The following MAP7 variants were observed in gnomAD, a reference collection of about 807,000 sequenced individuals.
MAP7 encodes the protein ensconsin.
MAP7 carries 52 observed loss-of-function variants against 94.8 expected under a neutral mutation model. That is an observed-to-expected ratio of 0.55 (90% CI 0.44 to 0.69). The LOEUF is 0.69. Ranked by LOEUF, MAP7 falls within the 30% of genes least tolerant of loss-of-function variation. The pLI, the probability that MAP7 is intolerant of heterozygous loss-of-function variation, is 0.00. For missense variants in MAP7, 940 were observed against 964.6 expected (o/e 0.97, Z 0.34); for synonymous variants, 350 against 357.0 (o/e 0.98, Z 0.22).
At chr6:136,460,644 C>T (rs2128911378) in intron 1 of MAP7, among the ~76,000 whole-genome samples, 1 of 152,186 alleles carries the variant, frequency 6.6e-6, no homozygotes, top group Non-Finnish European at 1.5e-5. Flanking sequence ...CCTCATCCTT[C>T]AATACAAGCA....
intron 1 of MAP7, among the ~76,000 whole-genome samples, chr6:136,465,578 A>ATG (rs1463232769): frequency 1.3e-5 from 2 of 152,218 alleles, no homozygotes; most frequent in South Asian, 2.1e-4. Context: ...CTCTTCTTTA[A>ATG]TGTATATACA....
chr6:136,547,769 G>A (rs1004365299), intron 1 of MAP7, among the ~76,000 whole-genome samples: 4 of 151,994 alleles, frequency 2.6e-5, no homozygotes, highest in East Asian at 1.9e-4. Flanking sequence ...GCTTAAGAAC[G>A]GTCTCATTTC....
At chr6:136,534,276 G>T (rs1317041397) in intron 1 of MAP7, among the ~76,000 whole-genome samples, 2 of 152,192 alleles carry the variant, frequency 1.3e-5, no homozygotes, top group Non-Finnish European at 2.9e-5. Context: ...AGGCTGGCAG[G>T]CTCGAAACTC....
chr6:136,426,713 C>T (rs1356024164), intron 1 of MAP7, among the ~76,000 whole-genome samples: 1 of 152,180 alleles, frequency 6.6e-6, no homozygotes, highest in Non-Finnish European at 1.5e-5. Context: ...CTGGTCAGAA[C>T]AGCAGGTTTA....
chr6:136,379,298 G>C (rs1562332180), intron 6 of MAP7, among the ~76,000 whole-genome samples: 1 of 152,114 alleles, frequency 6.6e-6, no homozygotes, highest in Admixed American at 6.5e-5. Context: ...TAATTTAAAA[G>C]AGTAAATATT....
At chr6:136,397,643 C>A (rs1452408212) in intron 3 of MAP7, among the ~76,000 whole-genome samples, 2 of 151,996 alleles carry the variant, frequency 1.3e-5, no homozygotes, top group South Asian at 4.2e-4. Context: ...AGAGGAAATA[C>A]CATGTGAGGA....
intron 1 of MAP7, among the ~76,000 whole-genome samples, chr6:136,453,965 T>C (rs919194204): frequency 2.0e-5 from 3 of 152,224 alleles, no homozygotes. Context: ...GTGGGCTTTT[T>C]TTCCTTTTTT....
intron 1 of MAP7, among the ~76,000 whole-genome samples, chr6:136,462,106 G>A (rs1805422073): frequency 6.6e-6 from 1 of 151,442 alleles, no homozygotes; most frequent in Admixed American, 6.6e-5. Flanking sequence ...TGAGGTGGGA[G>A]GATTGCTTAC....
Position 136,362,553 on chromosome 6 carries a change from C to T in MAP7, c.1423G>A (p.Asp475Asn), listed in dbSNP as rs760661282. 40 of 1,613,984 alleles carry T rather than the reference C, an allele frequency of 2.5e-5. No homozygotes were observed. Among genetic ancestry groups the T allele is most frequent in the Non-Finnish European group, 3.3e-5 (39 of 1,180,040 alleles). ...ASVKTSAGTT[D>N]PEEATRLLAE... ...AGAAGCCTTGTGGCCTCCTCTGGGT[C>T]GGTGGTGCCTGCAGAAGTCTTAACA... The change falls in exon 11 of 18, where the codon GAC becomes AAC. Residue 475 changes from aspartate (D) to asparagine (N), a missense_variant. Physicochemically the swap from Asp to Asn is conservative, Grantham distance 23 (BLOSUM62 1). Coordinates refer to ENST00000354570, the MANE Select transcript of MAP7 (RefSeq NM_003980.6).
intron 1 of MAP7, among the ~76,000 whole-genome samples, chr6:136,451,549 T>C (rs1166211586): frequency 2.0e-5 from 3 of 152,228 alleles, no homozygotes; most frequent in African/African-American, 7.2e-5. Flanking sequence ...CAACATCCCA[T>C]CCTGCAGACC....
At chr6:136,385,793 CAG>C (rs1779037933) in intron 5 of MAP7, among the ~76,000 whole-genome samples, 1 of 152,276 alleles carries the variant, frequency 6.6e-6, no homozygotes, top group East Asian at 1.9e-4. Context: ...ATTTTTGAGA[CAG>C]AGTCTCATTC....
intron 7 of MAP7, 117 bp from the exon 8 acceptor site, chr6:136,372,742 G>C: frequency 7.7e-7 from 1 of 1,297,544 alleles, no homozygotes; most frequent in Non-Finnish European, 1.1e-6. Flanking sequence ...GCAAAGCAGA[G>C]ATAGAGAGAA....
chr6:136,494,322 G>A (rs1238785940), intron 1 of MAP7, among the ~76,000 whole-genome samples: 2 of 152,184 alleles, frequency 1.3e-5, no homozygotes, highest in Non-Finnish European at 2.9e-5. Flanking sequence ...GGTGGCAGTT[G>A]TAACATTGAG....
intron 1 of MAP7, among the ~76,000 whole-genome samples, chr6:136,477,406 C>T (rs908237842): frequency 2.2e-4 from 33 of 152,216 alleles, no homozygotes; most frequent in African/African-American, 7.7e-4. Flanking sequence ...TAGCACAATA[C>T]ATAATCTTGA....
At chr6:136,456,115 C>T (rs907521215) in intron 1 of MAP7, among the ~76,000 whole-genome samples, 6 of 152,176 alleles carry the variant, frequency 3.9e-5, no homozygotes, top group African/African-American at 9.7e-5. Flanking sequence ...TTAGGTTACT[C>T]ATAGCTGTGT....
At chr6:136,368,805 T>C (rs1794938661) in intron 8 of MAP7, among the ~76,000 whole-genome samples, 2 of 152,230 alleles carry the variant, frequency 1.3e-5, no homozygotes, top group Admixed American at 6.5e-5. Flanking sequence ...GAAGATTTAA[T>C]ACTGTTAGGA....
intron 3 of MAP7, among the ~76,000 whole-genome samples, chr6:136,394,325 G>A (rs1353228841): frequency 3.3e-5 from 5 of 152,110 alleles, no homozygotes; most frequent in Non-Finnish European, 7.3e-5. Context: ...GCAGGTGACT[G>A]ATTTTTATTG....
chr6:136,413,626 T>A (rs1582839244), intron 2 of MAP7, among the ~76,000 whole-genome samples: 2 of 152,318 alleles, frequency 1.3e-5, no homozygotes, highest in East Asian at 3.9e-4. Flanking sequence ...TTTTATTTTT[T>A]ACTTTTGAGA....
chr6:136,518,148 C>T (rs1012945460), intron 1 of MAP7, among the ~76,000 whole-genome samples: 1 of 152,048 alleles, frequency 6.6e-6, no homozygotes, highest in Admixed American at 6.6e-5. Context: ...GCTGAATCTT[C>T]GTATTTTAAT....
Sources: allele counts gnomAD v4.1 joint callset (sites outside exome capture counted in the v4.1 genomes callset), GRCh38; gene constraint gnomAD v4.1.1; transcripts MANE v1.5; gene names NCBI Gene and HGNC (gene_info 2026-07-23, HGNC 2026-07-21).